Variants in ITPR1 observed in about 807,000 individuals in gnomAD.
ITPR1 encodes inositol 1,4,5-trisphosphate-gated calcium channel ITPR1.
ITPR1 carries 96 observed loss-of-function variants against 318.4 expected under a neutral mutation model. The observed-to-expected ratio is 0.30, with a 90% CI of 0.26 to 0.36. The LOEUF is 0.36. Ranked by LOEUF, ITPR1 falls within the 10% of genes least tolerant of loss-of-function variation. The pLI, the probability that ITPR1 is intolerant of heterozygous loss-of-function variation, is 1.00. For missense variants in ITPR1, 2,440 were observed against 3,460.2 expected, an observed-to-expected ratio of 0.71 and a Z score of 7.40; for synonymous variants, 1,312 against 1,289.9, an observed-to-expected ratio of 1.02 and a Z score of -0.37.
At chr3:4,728,652 G>C (rs2042693883) in intron 42 of ITPR1, among the ~76,000 whole-genome samples, 1 of 152,144 alleles carries the variant, frequency 6.6e-6, no homozygotes, top group Non-Finnish European at 1.5e-5. Flanking sequence ...GTTGACTGTA[G>C]TCACCCTATT....
At chr3:4,792,671 C>T (rs2047647505) in intron 52 of ITPR1, among the ~76,000 whole-genome samples, 1 of 152,134 alleles carries the variant, frequency 6.6e-6, no homozygotes, top group African/African-American at 2.4e-5. Context: ...CAGATGATTT[C>T]CTCAGAGCAA....
chr3:4,610,795 T>A (rs931324201), intron 4 of ITPR1, among the ~76,000 whole-genome samples: 1 of 152,072 alleles, frequency 6.6e-6, no homozygotes, highest in Non-Finnish European at 1.5e-5. Context: ...TTCCAGAACA[T>A]ACTGGTTTTC....
At chr3:4,583,468 G>A (rs1336212300) in intron 4 of ITPR1, among the ~76,000 whole-genome samples, 4 of 152,138 alleles carry the variant, frequency 2.6e-5, no homozygotes, top group Admixed American at 6.5e-5. Context: ...GCTGGGATGA[G>A]TGCGTTACAG....
chr3:4,775,503 G>A, intron 47 of ITPR1, 61 bp downstream of exon 47: 1 of 1,303,720 alleles, frequency 7.7e-7, no homozygotes. Flanking sequence ...AATGTTGATA[G>A]AGACTAGTTC....
chr3:4,541,226 A>T (rs1449388753), intron 4 of ITPR1, among the ~76,000 whole-genome samples: 5 of 151,918 alleles, frequency 3.3e-5, no homozygotes, highest in African/African-American at 1.2e-4. Flanking sequence ...ATCTTGGATA[A>T]TTTTTTTTCT....
At chr3:4,832,989 C>T (rs1041425784) in intron 60 of ITPR1, among the ~76,000 whole-genome samples, 7 of 152,202 alleles carry the variant, frequency 4.6e-5, no homozygotes, top group African/African-American at 7.2e-5. Flanking sequence ...TCCACAGAGG[C>T]GAAGAACTAT....
At chr3:4,638,102 C>A (rs2125146511) in intron 5 of ITPR1, among the ~76,000 whole-genome samples, 1 of 152,138 alleles carries the variant, frequency 6.6e-6, no homozygotes, top group South Asian at 2.1e-4. Context: ...AGGTAGGCGA[C>A]CCAAGACCAC....
intron 54 of ITPR1, among the ~76,000 whole-genome samples, chr3:4,801,760 T>C (rs1199095572): frequency 6.6e-6 from 1 of 151,828 alleles, no homozygotes; most frequent in African/African-American, 2.4e-5. Flanking sequence ...GGAGACTCCA[T>C]CTCAAAAATA....
chr3:4,805,517 G>A (rs1348857837), intron 54 of ITPR1, among the ~76,000 whole-genome samples: 1 of 152,114 alleles, frequency 6.6e-6, no homozygotes. Flanking sequence ...GTCCCCAAAG[G>A]AAAATTAGAA....
intron 37 of ITPR1, among the ~76,000 whole-genome samples, chr3:4,706,744 A>T (rs2125273803): frequency 6.6e-6 from 1 of 152,324 alleles, no homozygotes; most frequent in Non-Finnish European, 1.5e-5. Flanking sequence ...TACCTGAGAG[A>T]AGAATTTTAC....
At chr3:4,697,315 G>GGTT (rs1553699270) in intron 34 of ITPR1, 43 bp downstream of exon 34, 6 of 864,098 alleles carry the variant, frequency 6.9e-6, no homozygotes, top group Non-Finnish European at 8.4e-6. Flanking sequence ...GAGAGTGAGA[G>GGTT]GTGTGTGTGT....
intron 4 of ITPR1, among the ~76,000 whole-genome samples, chr3:4,591,298 A>G (rs1049005536): frequency 6.6e-6 from 1 of 152,084 alleles, no homozygotes; most frequent in Non-Finnish European, 1.5e-5. Flanking sequence ...TTGAGGAATC[A>G]CCCTACTGCT....
chr3:4,503,265 A>T (rs1379914731), intron 2 of ITPR1, among the ~76,000 whole-genome samples: 1 of 152,092 alleles, frequency 6.6e-6, no homozygotes, highest in Non-Finnish European at 1.5e-5. Context: ...AGGTAGTGAA[A>T]CCAAGCTGCT....
At chr3:4,654,289 G>A (rs1426963013) in intron 12 of ITPR1, among the ~76,000 whole-genome samples, 1 of 152,196 alleles carries the variant, frequency 6.6e-6, no homozygotes, top group East Asian at 1.9e-4. Flanking sequence ...ATGTGAGGTG[G>A]ATAGTGTTAC....
chr3:4,777,457 T>A (rs2046551434), intron 48 of ITPR1, 83 bp downstream of exon 48: 3 of 774,916 alleles, frequency 3.9e-6, no homozygotes, highest in Non-Finnish European at 6.6e-6. Context: ...CATGGGCAAT[T>A]AGTCATGAGA....
Position 4,779,007 on chromosome 3 carries a change from C to A in ITPR1, c.6292-543C>A, listed in dbSNP as rs577326368. Among the ~76,000 whole-genome samples the A allele has an allele frequency of 6.6e-6, 1 of 152,166 alleles. No homozygotes were observed. The highest frequency in any genetic ancestry group is 2.4e-5 in the African/African-American group (1 of 41,434). Reference sequence around the variant, plus strand: ...TAGGGCTTGGCCTGCATACATTGTTCCTTTGGGTCACATTTGTTAACTAGT... The same window carrying A: ...TAGGGCTTGGCCTGCATACATTGTTACTTTGGGTCACATTTGTTAACTAGT... On this transcript the variant is annotated intron_variant, in intron 48 of 61. Transcript: ENST00000649015. This position sits in a 1 kb window ranked among gnomAD's most constrained non-coding sequence, Gnocchi z 4.0.
intron 44 of ITPR1, among the ~76,000 whole-genome samples, chr3:4,761,383 C>T (rs1031727762): frequency 2.0e-5 from 3 of 152,216 alleles, no homozygotes; most frequent in African/African-American, 7.2e-5. Context: ...GCTCCTGCAT[C>T]AATTTGCTTA....
At chr3:4,766,422 C>T (rs146353850) in intron 44 of ITPR1, 108 bp from the exon 45 acceptor site, 19 of 816,908 alleles carry the variant, frequency 2.3e-5, no homozygotes, top group Admixed American at 1.1e-4. Flanking sequence ...TTAGATCATG[C>T]GTGAGGTTTT....
Position 4,653,903 on chromosome 3 carries a change from G to T in ITPR1, c.996+17G>T. On this transcript the variant is annotated intron_variant, in intron 12 of 61. Transcript: ENST00000649015. ...CAGCCCTCAGTAAGTATGGACAAGA[G>T]CCTTCTTGTCTTCATCTGGTAGGGT... The T allele has an allele frequency of 6.3e-7, 1 of 1,584,336 alleles. No individual in the cohort carries two copies.
Sources: allele counts gnomAD v4.1 joint callset (sites outside exome capture counted in the v4.1 genomes callset), GRCh38; gene constraint gnomAD v4.1.1; non-coding constraint Gnocchi (gnomAD v3.1); transcripts MANE v1.5; gene names NCBI Gene and HGNC (gene_info 2026-07-23, HGNC 2026-07-21).